TICRR: variants seen among roughly 807,000 people sequenced by gnomAD.
TICRR encodes TOPBP1 interacting checkpoint and replication regulator.
A neutral mutation model predicts 178.1 loss-of-function variants in TICRR; 132 were observed. That is an observed-to-expected ratio of 0.74 (90% CI 0.64 to 0.86). The LOEUF (loss-of-function observed/expected upper bound fraction) is 0.86. Among genes scored for constraint, TICRR ranks in the 40% least tolerant of loss-of-function variants. The pLI is 0.00. For missense variants in TICRR, 2,587 were observed against 2,334.3 expected (o/e 1.11, Z -2.23); for synonymous variants, 991 against 900.7 (o/e 1.10, Z -1.79).
intron 16 of TICRR, among the ~76,000 whole-genome samples, chr15:89,617,342 A>T (rs1215051956): frequency 6.6e-6 from 1 of 152,200 alleles, no homozygotes; most frequent in Non-Finnish European, 1.5e-5. Flanking sequence ...TAAATTTTTT[A>T]TAACATCCTT....
At position 89,625,850 on chromosome 15, in the gene TICRR, G is replaced by A. The variant is rs1596061414; in HGVS notation, c.5476+64G>A. 6 of 1,548,080 alleles carry A rather than the reference G, an allele frequency of 3.9e-6. No homozygotes were observed. The East Asian group carries it at 1.4e-4, about 35-fold the overall frequency. On this transcript the variant is annotated intron_variant, in intron 20 of 21. Coordinates refer to ENST00000268138, the MANE Select transcript of TICRR (RefSeq NM_152259.4). ...TTTTGGTCAGAGTGCTTGACAAGGAGGCACTTGGGAGTTGCTTCTTGGGAG... is the reference window on the plus strand; with the variant it reads ...TTTTGGTCAGAGTGCTTGACAAGGAAGCACTTGGGAGTTGCTTCTTGGGAG...
rs779514171 is a variant in TICRR at position 89,625,198 on chromosome 15, T to TC, written c.4891dup (p.His1631ProfsTer25). 1 of 1,613,562 alleles carries TC rather than the reference T, an allele frequency of 6.2e-7. No individual in the cohort carries two copies. Among genetic ancestry groups the TC allele is most frequent in the South Asian group, 1.1e-5 (1 of 91,040 alleles). ...TGTGTCACCCCCCTGCCCCCGCCTC[T>TC]CCCACAGCACACCTGGCAAGAGCAG... On this transcript the variant is annotated frameshift_variant, in exon 20 of 22. Transcript: ENST00000268138. LOFTEE classifies it high-confidence loss of function.
intron 13 of TICRR, among the ~76,000 whole-genome samples, chr15:89,604,800 G>T (rs566638852): frequency 6.7e-6 from 1 of 149,784 alleles, no homozygotes; most frequent in African/African-American, 2.4e-5. Flanking sequence ...TTGAGGTCAG[G>T]ATTTGATTGT....
intron 1 of TICRR, among the ~76,000 whole-genome samples, chr15:89,581,423 T>C (rs908446786): frequency 6.6e-6 from 1 of 152,272 alleles, no homozygotes; most frequent in Middle Eastern, 3.4e-3. Flanking sequence ...AATAAAAGTT[T>C]GTTGACAGAA....
chr15:89,581,048 TAAATG>T (rs1174789671), intron 1 of TICRR, among the ~76,000 whole-genome samples: 4 of 152,082 alleles, frequency 2.6e-5, no homozygotes, highest in African/African-American at 4.8e-5. Context: ...AAAATAAAAA[TAAATG>T]AAAGCAGTCT....
chr15:89,606,685 C>G, intron 13 of TICRR, 83 bp from the exon 14 acceptor site: 1 of 1,105,270 alleles, frequency 9.0e-7, no homozygotes, highest in Non-Finnish European at 1.4e-6. Flanking sequence ...TTACAAGAGT[C>G]AAAGAGTTCA....
At chr15:89,606,999 G>A (rs938529159) in intron 14 of TICRR, among the ~76,000 whole-genome samples, 174 bp downstream of exon 14, 6 of 151,824 alleles carry the variant, frequency 4.0e-5, no homozygotes, top group Non-Finnish European at 7.4e-5. Flanking sequence ...TCAAAATATT[G>A]TATTTTACAA....
At chr15:89,587,428 A>G (rs754129842) in intron 4 of TICRR, among the ~76,000 whole-genome samples, 3 of 152,168 alleles carry the variant, frequency 2.0e-5, no homozygotes, top group African/African-American at 2.4e-5. Flanking sequence ...TAAGATCACC[A>G]TGGGGGTGGG....
chr15:89,596,685 G>A (rs1963004041), intron 7 of TICRR, among the ~76,000 whole-genome samples: 1 of 152,006 alleles, frequency 6.6e-6, no homozygotes, highest in Non-Finnish European at 1.5e-5. Flanking sequence ...TGTTTCTGTT[G>A]ATTGCTGTTG....
chr15:89,596,354 G>A (rs995511240), intron 7 of TICRR, among the ~76,000 whole-genome samples: 6 of 150,596 alleles, frequency 4.0e-5, no homozygotes, highest in African/African-American at 1.5e-4. Flanking sequence ...TTCTTTTTTT[G>A]TTGTTTTTTG....
At chr15:89,609,100 C>CTTTTTGTT (rs1963217036) in intron 15 of TICRR, 151 bp downstream of exon 15, 1 of 81,458 alleles carries the variant, frequency 1.2e-5, no homozygotes, top group Non-Finnish European at 1.9e-5. Context: ...TTTTGTTAAT[C>CTTTTTGTT]TTTTTTTTTT....
intron 7 of TICRR, among the ~76,000 whole-genome samples, chr15:89,597,500 G>GTCTCT (rs1491314101): frequency 7.0e-6 from 1 of 143,350 alleles, no homozygotes; most frequent in African/African-American, 3.0e-5. Context: ...ACTCCAGCCT[G>GTCTCT]GGTGACGGAG....
chr15:89,596,965 T>C (rs941819518), intron 7 of TICRR, among the ~76,000 whole-genome samples: 5 of 152,244 alleles, frequency 3.3e-5, no homozygotes, highest in Non-Finnish European at 7.3e-5. Flanking sequence ...GAGTGTTTTA[T>C]AATTAGCTTT....
At chr15:89,598,268 C>G (rs1024423119) in intron 7 of TICRR, among the ~76,000 whole-genome samples, 1 of 151,932 alleles carries the variant, frequency 6.6e-6, no homozygotes, top group Non-Finnish European at 1.5e-5. Context: ...CCACCACACC[C>G]GGCCCAGTTC....
In TICRR at chr15:89,591,978, G is replaced by A. The variant is rs1962920552; in HGVS notation, c.1412-69G>A. ...TGCAGTCAGTCCAGGGGAGGAGCAA[G>A]TGCTTAGAATTCTCTGCTTTGGTTC... On this transcript the variant is annotated intron_variant, in intron 4 of 21. Coordinates refer to ENST00000268138, the MANE Select transcript of TICRR (RefSeq NM_152259.4). 1.8e-5 allele frequency: 26 copies of A among 1,480,648 alleles called. 1 individual carries two copies. The South Asian group carries it at 3.1e-4, about 18-fold the overall frequency. 91.7% of individuals were successfully genotyped at this position (1,480,648 alleles called of 1,614,324 possible). A position where few individuals can be genotyped will look rare whatever the true frequency, so the allele number is the denominator to read the frequency against.
intron 6 of TICRR, among the ~76,000 whole-genome samples, chr15:89,594,976 A>G (rs1962972712): frequency 6.6e-6 from 1 of 152,226 alleles, no homozygotes; most frequent in South Asian, 2.1e-4. Flanking sequence ...TTTTTTAAGT[A>G]ATTACCTTAG....
intron 4 of TICRR, among the ~76,000 whole-genome samples, chr15:89,588,282 G>A (rs116365106): frequency 7.2e-4 from 109 of 152,280 alleles, no homozygotes; most frequent in Middle Eastern, 3.4e-3. Context: ...CGGGATAGTC[G>A]TGAAGGTAAA....
Position 89,619,853 on chromosome 15 carries a change from G to T in TICRR, c.3154+11G>T. 1.2e-6 allele frequency: 2 copies of T among 1,601,150 alleles called. No homozygotes were observed. The highest frequency in any genetic ancestry group is 1.7e-6 in the Non-Finnish European group (2 of 1,175,626). On this transcript the variant is annotated intron_variant, in intron 18 of 21. Coordinates refer to ENST00000268138, the MANE Select transcript of TICRR (RefSeq NM_152259.4). The stretch of plus-strand genomic sequence containing the variant: ...AGCAAGATAAGTCAGGTAACATACG[G>T]GCCCCTCTGCCTTCACAAGTCCGTG...
At chr15:89,577,151 C>T (rs1192751723) in intron 1 of TICRR, among the ~76,000 whole-genome samples, 3 of 152,016 alleles carry the variant, frequency 2.0e-5, no homozygotes, top group East Asian at 3.9e-4. Context: ...CTTGGCCTCC[C>T]GAAGTGCCAG....
Sources: allele counts gnomAD v4.1 joint callset (sites outside exome capture counted in the v4.1 genomes callset), GRCh38; gene constraint gnomAD v4.1.1; transcripts MANE v1.5; gene names NCBI Gene and HGNC (gene_info 2026-07-23, HGNC 2026-07-21).